SLC12A6: variants seen among roughly 807,000 people sequenced by gnomAD.
SLC12A6 encodes K-Cl cotransporter 3.
Under a neutral mutation model 135.3 loss-of-function variants are expected in SLC12A6, and 66 were observed. That is an observed-to-expected ratio of 0.49 (90% CI 0.40 to 0.60). The LOEUF (loss-of-function observed/expected upper bound fraction) is 0.60, where lower values mean the gene tolerates loss of function less well. Ranked by LOEUF, SLC12A6 falls within the 20% of genes least tolerant of loss-of-function variation. The pLI, the probability that SLC12A6 is intolerant of heterozygous loss-of-function variation, is 0.00. For missense variants in SLC12A6, 1,058 were observed against 1,452.3 expected (o/e 0.73, Z 4.41); for synonymous variants, 513 against 508.8 (o/e 1.01, Z -0.11).
Position 34,250,370 on chromosome 15 carries a change from G to A in SLC12A6, c.1592-15C>T. On this transcript the variant is annotated splice_polypyrimidine_tract_variant and intron_variant, in intron 12 of 25. Transcript: ENST00000354181. ...ATTGCTTAAATCTACCATATTGAGAGTCAAGGAAACTGTTGTTTACCCTCT... is the reference window on the plus strand; with the variant it reads ...ATTGCTTAAATCTACCATATTGAGAATCAAGGAAACTGTTGTTTACCCTCT... The A allele has an allele frequency of 6.5e-7, 1 of 1,548,792 alleles. No homozygotes were observed. The highest frequency in any genetic ancestry group is 8.9e-7 in the Non-Finnish European group (1 of 1,120,368).
At chr15:34,267,917 CTA>C (rs1400541995) in intron 3 of SLC12A6, among the ~76,000 whole-genome samples, 5 of 151,832 alleles carry the variant, frequency 3.3e-5, no homozygotes. Flanking sequence ...TTTTTTATAT[CTA>C]TATATATTTT....
intron 2 of SLC12A6, among the ~76,000 whole-genome samples, chr15:34,286,874 A>T (rs1895119774): frequency 6.6e-6 from 1 of 152,224 alleles, no homozygotes; most frequent in Admixed American, 6.5e-5. Context: ...TATGCTTCAA[A>T]AGAGGACAAA....
At chr15:34,242,751 C>T (rs1891728022) in intron 16 of SLC12A6, among the ~76,000 whole-genome samples, 1 of 152,050 alleles carries the variant, frequency 6.6e-6, no homozygotes, top group Admixed American at 6.5e-5. Context: ...TATTTTTGGG[C>T]CGGATGCGGT....
chr15:34,283,642 T>G (rs894591999), intron 2 of SLC12A6, among the ~76,000 whole-genome samples: 54 of 146,612 alleles, frequency 3.7e-4, no homozygotes, highest in Non-Finnish European at 4.7e-4. Flanking sequence ...TAACAAAGTG[T>G]TTTTTTTTTA....
At position 34,236,786 on chromosome 15, in the gene SLC12A6, G is replaced by A. The variant is rs1255615487; in HGVS notation, c.2964C>T (p.Tyr988=). Residue 988 remains tyrosine, a synonymous_variant, in exon 23 of 26, where the codon TAC becomes TAT. Transcript: ENST00000354181. ...TTTGTTCCATCATCAAAGTGCGCTC[G>A]TAAGTATATGCTGATATATCACTGT... ...MHDSDISAYT[Y]ERTLMMEQRS... 3.1e-6 allele frequency: 5 copies of A among 1,610,506 alleles called. No homozygotes were observed. Among genetic ancestry groups the A allele is most frequent in the East Asian group, 4.5e-5 (2 of 44,860 alleles).
chr15:34,262,931 G>A (rs1263611276), intron 3 of SLC12A6, among the ~76,000 whole-genome samples: 1 of 152,204 alleles, frequency 6.6e-6, no homozygotes, highest in African/African-American at 2.4e-5. Context: ...CTTCTGGTGA[G>A]CTCGGGCCTG....
At position 34,307,114 on chromosome 15, in the gene SLC12A6, A is replaced by C. The variant is rs1896652688; in HGVS notation, c.271+29296T>G. Among the ~76,000 whole-genome samples, 4 of 152,334 alleles carry C rather than the reference A, an allele frequency of 2.6e-5. No individual in the cohort carries two copies. The South Asian group carries it at 8.3e-4, about 32-fold the overall frequency. The stretch of plus-strand genomic sequence containing the variant: ...TATTTCATGGGCATATAAATGTCAA[A>C]ATTCATCAACAAAATATACACCTTA... On this transcript the variant is annotated intron_variant, in intron 2 of 25. Coordinates refer to ENST00000354181, the MANE Select transcript of SLC12A6 (RefSeq NM_001365088.1).
At chr15:34,239,427 C>G (rs916149515) in intron 19 of SLC12A6, among the ~76,000 whole-genome samples, 6 of 152,064 alleles carry the variant, frequency 3.9e-5, no homozygotes, top group African/African-American at 1.4e-4. Flanking sequence ...TTCCTTTGCA[C>G]CATACCAAAA....
chr15:34,264,711 A>T (rs919040684), intron 3 of SLC12A6, among the ~76,000 whole-genome samples: 1 of 152,212 alleles, frequency 6.6e-6, no homozygotes, highest in Non-Finnish European at 1.5e-5. Context: ...ATTTTCTTTA[A>T]AACAGTTTAG....
chr15:34,235,452 G>A, intron 24 of SLC12A6, 138 bp from the exon 25 acceptor site: 1 of 463,756 alleles, frequency 2.2e-6, no homozygotes, highest in Non-Finnish European at 3.5e-6. Flanking sequence ...TTTTTTTTTT[G>A]AGAGGGAGTT....
intron 2 of SLC12A6, among the ~76,000 whole-genome samples, chr15:34,330,060 T>C (rs1889733692): frequency 6.6e-6 from 1 of 152,166 alleles, no homozygotes; most frequent in Non-Finnish European, 1.5e-5. Flanking sequence ...AACAATTCCT[T>C]AATATTAATA....
At chr15:34,259,340 C>CA (rs1304563877) in intron 4 of SLC12A6, among the ~76,000 whole-genome samples, 2,435 of 111,218 alleles carry the variant, frequency 0.022, 30 homozygotes, top group Non-Finnish European at 0.033. Flanking sequence ...GACTCCATCT[C>CA]AAAAAAAAAA....
rs186567323 is a variant in SLC12A6, at chr15:34,243,348, G to C, written c.2042+626C>G. ...GAACAAGGAGAAAGTTAGCAAAGAA[G>C]AATGTAGCAACGGGTACATACAGGA... On this transcript the variant is annotated intron_variant, in intron 16 of 25. Transcript: ENST00000354181. 1.2e-3 allele frequency among the ~76,000 whole-genome samples: 183 copies of C among 152,294 alleles called. 1 individual carries two copies. The highest frequency in any genetic ancestry group is 8.3e-4 in the South Asian group (4 of 4,824).
intron 13 of SLC12A6, among the ~76,000 whole-genome samples, chr15:34,248,570 A>C (rs201365328): frequency 7.6e-5 from 1 of 13,148 alleles, no homozygotes; most frequent in Non-Finnish European, 2.2e-4. Flanking sequence ...ACCCCCACCC[A>C]CACACACACA....
At chr15:34,281,639 T>C (rs1222538769) in intron 2 of SLC12A6, among the ~76,000 whole-genome samples, 1 of 152,016 alleles carries the variant, frequency 6.6e-6, no homozygotes, top group African/African-American at 2.4e-5. Flanking sequence ...ATACAAAAAA[T>C]TAGCTGGGCA....
chr15:34,285,720 T>TACACACACACACACACACACACAC, intron 2 of SLC12A6, among the ~76,000 whole-genome samples: 1 of 1,374 alleles, frequency 7.3e-4, no homozygotes, highest in Middle Eastern at 0.25. Context: ...GTGTTTGTCA[T>TACACACACACACACACACACACAC]ACATAAAATG....
intron 2 of SLC12A6, among the ~76,000 whole-genome samples, chr15:34,277,347 G>C: frequency 6.6e-6 from 1 of 152,052 alleles, no homozygotes; most frequent in Non-Finnish European, 1.5e-5. Flanking sequence ...AAGGCAAGAG[G>C]TTCCCTTGAA....
chr15:34,260,107 T>C (rs550984185), intron 4 of SLC12A6, among the ~76,000 whole-genome samples: 7 of 152,326 alleles, frequency 4.6e-5, no homozygotes, highest in South Asian at 2.1e-4. Flanking sequence ...ATGATAAGTA[T>C]ACGAGGTGAT....
chr15:34,262,521 C>CTGGCAGAGCGT (rs1566822620), intron 3 of SLC12A6, among the ~76,000 whole-genome samples: 1 of 152,166 alleles, frequency 6.6e-6, no homozygotes, highest in East Asian at 1.9e-4. Flanking sequence ...TGGCCCTCCA[C>CTGGCAGAGCGT]GCTCTGCCAG....
Sources: allele counts gnomAD v4.1 joint callset (sites outside exome capture counted in the v4.1 genomes callset), GRCh38; gene constraint gnomAD v4.1.1; transcripts MANE v1.5; gene names NCBI Gene and HGNC (gene_info 2026-07-23, HGNC 2026-07-21).